KRTAP4-4: variants seen among roughly 807,000 people sequenced by gnomAD.
KRTAP4-4 encodes keratin-associated protein 4-4.
For synonymous variants in KRTAP4-4, 88 were observed against 76.4 expected, an observed-to-expected ratio of 1.15 and a Z score of -0.79; for missense variants, 186 against 206.9, an observed-to-expected ratio of 0.90 and a Z score of 0.62.
In KRTAP4-4 at chr17:41,160,501, C is replaced by T; in HGVS notation, c.191G>A (p.Ser64Asn). 3 of 1,612,642 alleles carry T rather than the reference C, an allele frequency of 1.9e-6. No individual in the cohort carries two copies. Among genetic ancestry groups the T allele is most frequent in the East Asian group, 2.2e-5 (1 of 44,796 alleles). ...TCTGCAGCAGCTGGACACACAGCAG[C>T]TGGGGTGGCAGCAGGTGGTCCTGCA... ...TCCRTTCCHP[S>N]CCVSSCCRPQ... The change falls in exon 1 of 1, where the codon AGC becomes AAC. Residue 64 changes from serine to asparagine, a missense_variant. Physicochemically the swap from Ser to Asn is conservative, Grantham distance 46 (BLOSUM62 1). Coordinates refer to ENST00000390661, the MANE Select transcript of KRTAP4-4 (RefSeq NM_032524.2).
In KRTAP4-4 at chr17:41,160,530, G is replaced by C. The variant is rs772846458; in HGVS notation, c.162C>G (p.Thr54=). The C allele has an allele frequency of 1.9e-6, 3 of 1,612,870 alleles. No individual in the cohort carries two copies. Among genetic ancestry groups the C allele is most frequent in the East Asian group, 2.2e-5 (1 of 44,782 alleles). ...GGTGGCAGCAGGTGGTCCTGCAGCA[G>C]GTGGTCTGGCAGCACTGGGGTCTGC... ...SCCRPQCCQT[T]CCRTTCCHPS... The change falls in exon 1 of 1, where the codon ACC becomes ACG. Residue 54 remains threonine, a synonymous_variant. Coordinates refer to ENST00000390661, the MANE Select transcript of KRTAP4-4 (RefSeq NM_032524.2).
Position 41,160,514 on chromosome 17 carries a change from A to C in KRTAP4-4, c.178T>G (p.Cys60Gly), listed in dbSNP as rs770149455. 2 of 1,613,264 alleles carry C rather than the reference A, an allele frequency of 1.2e-6. No individual in the cohort carries two copies. Among genetic ancestry groups the C allele is most frequent in the Admixed American group, 3.3e-5 (2 of 59,958 alleles). Reference protein sequence around the residue: ...CCQTTCCRTTCCHPSCCVSSC... With the variant: ...CCQTTCCRTTGCHPSCCVSSC... ...GACACACAGCAGCTGGGGTGGCAGC[A>C]GGTGGTCCTGCAGCAGGTGGTCTGG... Residue 60 changes from cysteine (C) to glycine (G), a missense_variant, in exon 1 of 1, where the codon TGC (cysteine) becomes GGC (glycine). Transcript: ENST00000390661.
Position 41,160,688 on chromosome 17 carries a change from C to A in KRTAP4-4, c.4G>T (p.Val2Phe). 6.2e-7 allele frequency: 1 copy of A among 1,607,338 alleles called. No individual in the cohort carries two copies. Among genetic ancestry groups the A allele is most frequent in the Non-Finnish European group, 8.5e-7 (1 of 1,175,584 alleles). Reference sequence around the variant, plus strand: ...CACACAGAGCCACAACAGGAGTTGACCATGGTGTCAGAGGGTGGAGGTTCT... The same window carrying A: ...CACACAGAGCCACAACAGGAGTTGAACATGGTGTCAGAGGGTGGAGGTTCT... MVNSCCGSVCSD... is the reference protein window; with the variant it reads MFNSCCGSVCSD... The change falls in exon 1 of 1, where the codon GTC becomes TTC. Residue 2 changes from valine to phenylalanine, a missense_variant. By Grantham distance (50) the Val-to-Phe change is conservative. Coordinates refer to ENST00000390661, the MANE Select transcript of KRTAP4-4 (RefSeq NM_032524.2).
In KRTAP4-4 at chr17:41,159,735, C is replaced by A. The variant is rs535182500; in HGVS notation, c.*456G>T. On this transcript the variant is annotated 3_prime_UTR_variant, in exon 1 of 1. Coordinates refer to ENST00000390661, the MANE Select transcript of KRTAP4-4 (RefSeq NM_032524.2). ...AATAGCTCCATATGAGAAATTATGGCAGAGAGCAAATATTTCAATTAAGAT... is the reference window on the plus strand; with the variant it reads ...AATAGCTCCATATGAGAAATTATGGAAGAGAGCAAATATTTCAATTAAGAT... The A allele has an allele frequency of 2.0e-5, 4 of 202,660 alleles. No homozygotes were observed. In the East Asian group the frequency reaches 4.9e-4, roughly 25 times the overall value. The allele number at this position is 202,660 out of a possible 1,614,324, so 12.6% of individuals were successfully genotyped here.
In KRTAP4-4 at chr17:41,160,640, C is replaced by G. The variant is rs1367522287; in HGVS notation, c.52G>C (p.Glu18Gln). ...SVCSDQGCGL[E>Q]NCCRPSYCQT... ...CAGTAGCTGGGACGGCAGCAGTTCT[C>G]TAGGCCACAGCCCTGGTCAGAGCAC... is the stretch of plus-strand genomic sequence containing the variant. Residue 18 changes from glutamate (E) to glutamine (Q), a missense_variant, in exon 1 of 1, where the codon GAG becomes CAG. Transcript: ENST00000390661. 1.9e-6 allele frequency: 3 copies of G among 1,613,754 alleles called. No homozygotes were observed. The highest frequency in any genetic ancestry group is 1.7e-6 in the Non-Finnish European group (2 of 1,179,898).
rs747423982 is a variant in KRTAP4-4 at position 41,160,389 on chromosome 17, G to A, written c.303C>T (p.Cys101=). The A allele has an allele frequency of 6.2e-7, 1 of 1,610,908 alleles. No individual in the cohort carries two copies. Among genetic ancestry groups the A allele is most frequent in the Admixed American group, 1.7e-5 (1 of 59,770 alleles). ...ACTGGGGCCTGCAGCAGCTGGGGCG[G>A]CAGCAGGTGGTCCTACAGCAGGTAG... ...CQTTCCRTTC[C]RPSCCRPQCC... is the part of the protein sequence containing the mutation. Residue 101 remains cysteine (C), a synonymous_variant, in exon 1 of 1, where the codon TGC becomes TGT. Transcript: ENST00000390661.
rs931091558 is a variant in KRTAP4-4, at chr17:41,160,089, A to G, written c.*102T>C. ...AGCTGAAGCCACAGCAGGAGGAGCT[A>G]CTGCTGCTAGAGATACTGCAGGAAG... On this transcript the variant is annotated 3_prime_UTR_variant, in exon 1 of 1. Transcript: ENST00000390661. 2.2e-5 allele frequency: 33 copies of G among 1,518,024 alleles called. No homozygotes were observed. The highest frequency in any genetic ancestry group is 2.9e-5 in the Non-Finnish European group (32 of 1,114,220). The allele number at this position is 1,518,024 out of a possible 1,614,324, so 94.0% of individuals were successfully genotyped here. A position where few individuals can be genotyped will look rare whatever the true frequency, so the allele number is the denominator to read the frequency against.
chr17:41,160,106 T>A lies in KRTAP4-4; in HGVS notation c.*85A>T, dbSNP rs1443115391. 2 of 1,574,592 alleles carry A rather than the reference T, an allele frequency of 1.3e-6. No homozygotes were observed. The highest frequency in any genetic ancestry group is 2.7e-5 in the African/African-American group (2 of 74,514). On this transcript the variant is annotated 3_prime_UTR_variant, in exon 1 of 1. Transcript: ENST00000390661. Reference sequence around the variant, plus strand: ...GAGGAGCTACTGCTGCTAGAGATACTGCAGGAAGGCTGGCAGCAGCTGGAA... The same window carrying A: ...GAGGAGCTACTGCTGCTAGAGATACAGCAGGAAGGCTGGCAGCAGCTGGAA...
chr17:41,160,394 A>C lies in KRTAP4-4; in HGVS notation c.298T>G (p.Cys100Gly). The C allele has an allele frequency of 6.2e-7, 1 of 1,611,524 alleles. No individual in the cohort carries two copies. The highest frequency in any genetic ancestry group is 8.5e-7 in the Non-Finnish European group (1 of 1,179,142). ...CCQTTCCRTTCCRPSCCRPQC... is the reference protein window; with the variant it reads ...CCQTTCCRTTGCRPSCCRPQC... ...GGCCTGCAGCAGCTGGGGCGGCAGCAGGTGGTCCTACAGCAGGTAGTCTGG... is the reference window on the plus strand; with the variant it reads ...GGCCTGCAGCAGCTGGGGCGGCAGCCGGTGGTCCTACAGCAGGTAGTCTGG... The change falls in exon 1 of 1, where the codon TGC becomes GGC. Residue 100 changes from cysteine to glycine, a missense_variant. Transcript: ENST00000390661.
Position 41,160,131 on chromosome 17 carries a change from A to G in KRTAP4-4, c.*60T>C. On this transcript the variant is annotated 3_prime_UTR_variant, in exon 1 of 1. Coordinates refer to ENST00000390661, the MANE Select transcript of KRTAP4-4 (RefSeq NM_032524.2). ...TGCAGGAAGGCTGGCAGCAGCTGGA[A>G]ATGCAATAGCTGGGGTGGCAGCAGG... 2 of 1,594,256 alleles carry G rather than the reference A, an allele frequency of 1.3e-6. No homozygotes were observed. Among genetic ancestry groups the G allele is most frequent in the South Asian group, 2.3e-5 (2 of 87,218 alleles).
In KRTAP4-4 at chr17:41,160,279, G is replaced by T. The variant is rs752260635; in HGVS notation, c.413C>A (p.Thr138Asn). Residue 138 changes from threonine to asparagine, a missense_variant, in exon 1 of 1, where the codon ACC becomes AAC. Coordinates refer to ENST00000390661, the MANE Select transcript of KRTAP4-4 (RefSeq NM_032524.2). Reference sequence around the variant, plus strand: ...GCAGCAGGTGGTTCTGCAGCAGGTGGTCTGGCAGCACTGGGGTCTGCAGCA... The same window carrying T: ...GCAGCAGGTGGTTCTGCAGCAGGTGTTCTGGCAGCACTGGGGTCTGCAGCA... ...SSCCRPQCCQTTCCRTTCCRP... is the reference protein window; with the variant it reads ...SSCCRPQCCQNTCCRTTCCRP... 6.2e-7 allele frequency: 1 copy of T among 1,613,706 alleles called. No homozygotes were observed.
At position 41,160,241 on chromosome 17, in the gene KRTAP4-4, A is replaced by G. The variant is rs768873491; in HGVS notation, c.451T>C (p.Cys151Arg). 1.2e-6 allele frequency: 2 copies of G among 1,613,636 alleles called. No individual in the cohort carries two copies. Among genetic ancestry groups the G allele is most frequent in the Non-Finnish European group, 1.7e-6 (2 of 1,179,900 alleles). The change falls in exon 1 of 1, where the codon TGT becomes CGT. Residue 151 changes from cysteine to arginine, a missense_variant. Physicochemically the swap from Cys to Arg is radical, Grantham distance 180 (BLOSUM62 -3). Transcript: ENST00000390661. ...TGGGGCCTGTAGCACCTGGACACAC[A>G]GCAGCTGGGGCGGCAGCAGGTGGTT... is the stretch of plus-strand genomic sequence containing the variant. ...CRTTCCRPSCCVSRCYRPHCG... is the reference protein window; with the variant it reads ...CRTTCCRPSCRVSRCYRPHCG...
chr17:41,160,683 G>A lies in KRTAP4-4; in HGVS notation c.9C>T (p.Asn3=). 1 of 1,608,772 alleles carries A rather than the reference G, an allele frequency of 6.2e-7. No homozygotes were observed. The highest frequency in any genetic ancestry group is 8.5e-7 in the Non-Finnish European group (1 of 1,176,422). The change falls in exon 1 of 1, where the codon AAC becomes AAT. Residue 3 remains asparagine, a synonymous_variant. Coordinates refer to ENST00000390661, the MANE Select transcript of KRTAP4-4 (RefSeq NM_032524.2). MV[N]SCCGSVCSDQ... ...CAGAGCACACAGAGCCACAACAGGA[G>A]TTGACCATGGTGTCAGAGGGTGGAG... is the stretch of plus-strand genomic sequence containing the variant.
rs768017502 is a variant in KRTAP4-4, at chr17:41,159,820, G to A, written c.*371C>T. On this transcript the variant is annotated 3_prime_UTR_variant, in exon 1 of 1. Coordinates refer to ENST00000390661, the MANE Select transcript of KRTAP4-4 (RefSeq NM_032524.2). The stretch of plus-strand genomic sequence containing the variant: ...TTCATTTGGTAGAGAGGTAAAATGT[G>A]GGGGGAGCATATATTTGGAGGCCAG... 4 of 341,700 alleles carry A rather than the reference G, an allele frequency of 1.2e-5. No individual in the cohort carries two copies. Among genetic ancestry groups the A allele is most frequent in the African/African-American group, 8.3e-5 (4 of 48,440 alleles). 21.2% of individuals were successfully genotyped at this position (341,700 alleles called of 1,614,324 possible). A position where few individuals can be genotyped will look rare whatever the true frequency, so the allele number is the denominator to read the frequency against.
Position 41,160,576 on chromosome 17 carries a change from C to G in KRTAP4-4, c.116G>C (p.Ser39Thr), listed in dbSNP as rs1002115487. 6.2e-7 allele frequency: 1 copy of G among 1,613,348 alleles called. No homozygotes were observed. Among genetic ancestry groups the G allele is most frequent in the Non-Finnish European group, 8.5e-7 (1 of 1,179,820 alleles). The change falls in exon 1 of 1, where the codon AGC (serine) becomes ACC (threonine). Residue 39 changes from serine (S) to threonine (T), a missense_variant. By Grantham distance (58) the Ser-to-Thr change is moderately conservative. Transcript: ENST00000390661. ...TCCRTTCCRP[S>T]CCVSSCCRPQ... ...TCTGCAGCAGCTGGACACACAGCAG[C>G]TGGGGCGGCAGCAGGTGGTCCTGCA...
chr17:41,159,651 T>C lies in KRTAP4-4; in HGVS notation c.*540A>G, dbSNP rs908082962. On this transcript the variant is annotated 3_prime_UTR_variant, in exon 1 of 1. Transcript: ENST00000390661. ...AAAATAATGAGACACAGTATCTGTA[T>C]ATTTCTATGCCTGAAAATTTATTTA... 1.8e-5 allele frequency: 3 copies of C among 167,332 alleles called. No individual in the cohort carries two copies. Among genetic ancestry groups the C allele is most frequent in the Non-Finnish European group, 3.9e-5 (3 of 76,132 alleles). The allele number at this position is 167,332 out of a possible 1,614,324, so 10.4% of individuals were successfully genotyped here.
Position 41,160,724 on chromosome 17 carries a change from C to T in KRTAP4-4, c.-33G>A, listed in dbSNP as rs1313754425. On this transcript the variant is annotated 5_prime_UTR_variant, in exon 1 of 1. Transcript: ENST00000390661. ...GAGGGTGGAGGTTCTGGGTGGGTTT[C>T]CAGGAAGGAGGGTTTGGAAGGCTTG... is the stretch of plus-strand genomic sequence containing the variant. 2 of 1,586,294 alleles carry T rather than the reference C, an allele frequency of 1.3e-6. No homozygotes were observed. Among genetic ancestry groups the T allele is most frequent in the African/African-American group, 2.7e-5 (2 of 74,586 alleles).
At position 41,160,097 on chromosome 17, in the gene KRTAP4-4, T is replaced by A; in HGVS notation, c.*94A>T. Reference sequence around the variant, plus strand: ...CCACAGCAGGAGGAGCTACTGCTGCTAGAGATACTGCAGGAAGGCTGGCAG... The same window carrying A: ...CCACAGCAGGAGGAGCTACTGCTGCAAGAGATACTGCAGGAAGGCTGGCAG... On this transcript the variant is annotated 3_prime_UTR_variant, in exon 1 of 1. Transcript: ENST00000390661. The A allele has an allele frequency of 1.3e-6, 2 of 1,561,020 alleles. No individual in the cohort carries two copies. Among genetic ancestry groups the A allele is most frequent in the Non-Finnish European group, 1.7e-6 (2 of 1,148,338 alleles).
Position 41,159,956 on chromosome 17 carries a change from G to T in KRTAP4-4, c.*235C>A. ...GGTTGATGAGAATCTGGTGAGTCCAGATGACAGCCTCAGCAGCAAGAAGCA... is the reference window on the plus strand; with the variant it reads ...GGTTGATGAGAATCTGGTGAGTCCATATGACAGCCTCAGCAGCAAGAAGCA... On this transcript the variant is annotated 3_prime_UTR_variant, in exon 1 of 1. Transcript: ENST00000390661. 1.5e-6 allele frequency: 1 copy of T among 674,138 alleles called. No homozygotes were observed. Among genetic ancestry groups the T allele is most frequent in the Non-Finnish European group, 2.6e-6 (1 of 388,930 alleles). 41.8% of individuals were successfully genotyped at this position (674,138 alleles called of 1,614,324 possible). A position where few individuals can be genotyped will look rare whatever the true frequency, so the allele number is the denominator to read the frequency against.
Sources: gnomAD v4.1 joint callset for allele counts on GRCh38, gnomAD v4.1.1 for gene constraint, MANE v1.5 for transcripts, NCBI Gene and HGNC (gene_info 2026-07-23, HGNC 2026-07-21) for gene names.